The following LAPTM4B variants were observed in gnomAD, a reference collection of about 807,000 sequenced individuals.
LAPTM4B encodes the protein lysosomal-associated transmembrane protein 4B.
A neutral mutation model predicts 28.5 loss-of-function variants in LAPTM4B; 26 were observed. That is an observed-to-expected ratio of 0.91 (90% CI 0.67 to 1.27). The LOEUF is 1.27. LAPTM4B is among the 50% of genes most tolerant of loss of function. The pLI, the probability that LAPTM4B is intolerant of heterozygous loss-of-function variation, is 0.00. For missense variants in LAPTM4B, 288 were observed against 285.8 expected, an observed-to-expected ratio of 1.01 and a Z score of -0.06; for synonymous variants, 109 against 106.4, an observed-to-expected ratio of 1.02 and a Z score of -0.15.
intron 3 of LAPTM4B, 37 bp from the exon 4 acceptor site, chr8:97,816,020 AT>A: frequency 6.6e-7 from 1 of 1,505,420 alleles, no homozygotes. Context: ...GTTTTATAAT[AT>A]TGAACACATT....
chr8:97,836,899 G>A (rs1207309772), intron 6 of LAPTM4B, among the ~76,000 whole-genome samples: 5 of 151,954 alleles, frequency 3.3e-5, no homozygotes, highest in Non-Finnish European at 5.9e-5. Context: ...GAAGAAAGGT[G>A]AGTGTGGCTT....
chr8:97,843,254 C>A (rs1189079752), intron 6 of LAPTM4B, among the ~76,000 whole-genome samples: 1 of 152,046 alleles, frequency 6.6e-6, no homozygotes, highest in Admixed American at 6.6e-5. Flanking sequence ...TGGTGAAACC[C>A]CGTCTCTACT....
chr8:97,789,010 T>C (rs1816453375), intron 1 of LAPTM4B, among the ~76,000 whole-genome samples: 1 of 151,592 alleles, frequency 6.6e-6, no homozygotes, highest in South Asian at 2.1e-4. Flanking sequence ...GCCATTTTTT[T>C]GGAAAACATC....
chr8:97,845,903 C>T (rs1402434788), intron 6 of LAPTM4B, among the ~76,000 whole-genome samples: 2 of 105,332 alleles, frequency 1.9e-5, no homozygotes, highest in African/African-American at 3.4e-5. Context: ...CCTCCCCTCC[C>T]CTTCCCTTCG....
In LAPTM4B at chr8:97,776,039, C is replaced by G. The variant is rs758949119; in HGVS notation, c.30C>G (p.Phe10Leu). The change falls in exon 1 of 7, where the codon TTC becomes TTG. Residue 10 changes from phenylalanine (F) to leucine (L), a missense_variant. Coordinates refer to ENST00000521545, the MANE Select transcript of LAPTM4B (RefSeq NM_018407.6). ...AGATGGTCGCGCCCTGGACGCGGTTCTACTCCAACAGCTGCTGCTTGTGCT... is the reference window on the plus strand; with the variant it reads ...AGATGGTCGCGCCCTGGACGCGGTTGTACTCCAACAGCTGCTGCTTGTGCT... MKMVAPWTR[F>L]YSNSCCLCCH... is the part of the protein sequence containing the mutation. The G allele has an allele frequency of 6.3e-7, 1 of 1,586,438 alleles. No individual in the cohort carries two copies. Among genetic ancestry groups the G allele is most frequent in the African/African-American group, 1.4e-5 (1 of 71,440 alleles).
intron 1 of LAPTM4B, among the ~76,000 whole-genome samples, chr8:97,797,069 G>A (rs773796849): frequency 3.1e-4 from 47 of 152,174 alleles, no homozygotes; most frequent in Admixed American, 2.7e-3. Flanking sequence ...TTGAGACCAG[G>A]TCGAGTAATA....
At chr8:97,820,304 C>CTTTTTTTTTTTTTTTTTTTTTTTTTCTTT (rs71570268) in intron 5 of LAPTM4B, among the ~76,000 whole-genome samples, 1 of 128,350 alleles carries the variant, frequency 7.8e-6, no homozygotes, top group Non-Finnish European at 1.6e-5. Flanking sequence ...TTCTTTCTTT[C>CTTTTTTTTTTTTTTTTTTTTTTTTTCTTT]TTTTTTTTTT....
intron 6 of LAPTM4B, among the ~76,000 whole-genome samples, chr8:97,827,782 G>C (rs1451113093): frequency 2.0e-5 from 3 of 152,188 alleles, no homozygotes; most frequent in African/African-American, 7.2e-5. Context: ...TCAGCGAAGG[G>C]TGGTGGGATT....
At position 97,780,886 on chromosome 8, in the gene LAPTM4B, A is replaced by G. The variant is rs1290270726; in HGVS notation, c.99+4778A>G. On this transcript the variant is annotated intron_variant, in intron 1 of 6. Transcript: ENST00000521545. The stretch of plus-strand genomic sequence containing the variant: ...ATTTATTATTATTATTACTATTTTT[A>G]AAATTCTGGGCCACGCTAACTTTGG... 3.3e-5 allele frequency among the ~76,000 whole-genome samples: 5 copies of G among 152,202 alleles called. No homozygotes were observed. In the South Asian group the frequency reaches 1.0e-3, roughly 32 times the overall value.
chr8:97,809,051 A>C (rs1816792726), intron 2 of LAPTM4B, among the ~76,000 whole-genome samples: 1 of 152,234 alleles, frequency 6.6e-6, no homozygotes, highest in Non-Finnish European at 1.5e-5. Context: ...AAGGCACTGG[A>C]ATTAACATCC....
chr8:97,778,206 T>C (rs1365323650), intron 1 of LAPTM4B, among the ~76,000 whole-genome samples: 1 of 152,222 alleles, frequency 6.6e-6, no homozygotes, highest in East Asian at 1.9e-4. Context: ...ATAAAAATGT[T>C]GCTTTAGGTA....
chr8:97,851,383 C>T lies in LAPTM4B; in HGVS notation c.604-14C>T, dbSNP rs776050357. The T allele has an allele frequency of 7.1e-6, 11 of 1,548,108 alleles. No homozygotes were observed. In the African/African-American group the frequency reaches 1.1e-4, roughly 15 times the overall value. ...CTTCAAACATTAACTCTTGCCGTCC[C>T]TCTTTCTTCTCAGGTGCTGCTACCC... On this transcript the variant is annotated splice_polypyrimidine_tract_variant and intron_variant, in intron 6 of 6. Coordinates refer to ENST00000521545, the MANE Select transcript of LAPTM4B (RefSeq NM_018407.6).
intron 1 of LAPTM4B, among the ~76,000 whole-genome samples, chr8:97,780,007 C>T (rs1222120425): frequency 2.8e-5 from 4 of 143,382 alleles, no homozygotes; most frequent in South Asian, 2.2e-4. Flanking sequence ...GCCGAGATCA[C>T]GCCACTGCAC....
chr8:97,775,827 A>G lies in LAPTM4B; in HGVS notation c.-183A>G. ...AGCGGTCGCCTTCGGAGCGAAGGGT[A>G]CCGACCCGGCAGAAGCTCGGAGCTC... On this transcript the variant is annotated 5_prime_UTR_variant, in exon 1 of 7. Coordinates refer to ENST00000521545, the MANE Select transcript of LAPTM4B (RefSeq NM_018407.6). The G allele has an allele frequency of 7.1e-6, 11 of 1,553,988 alleles. No homozygotes were observed. Among genetic ancestry groups the G allele is most frequent in the Non-Finnish European group, 9.5e-6 (11 of 1,156,352 alleles).
At position 97,815,360 on chromosome 8, in the gene LAPTM4B, A is replaced by G; in HGVS notation, c.244A>G (p.Met82Val). The change falls in exon 3 of 7, where the codon ATG becomes GTG. Residue 82 changes from methionine to valine, a missense_variant. Physicochemically the swap from Met to Val is conservative, Grantham distance 21. Coordinates refer to ENST00000521545, the MANE Select transcript of LAPTM4B (RefSeq NM_018407.6). ...MCIAIAISLL[M>V]ILICAMATYG... ...CATTGCCATTGCGATTTCTCTTCTC[A>G]TGATCCTGATATGTGCTATGGCTAC... The G allele has an allele frequency of 6.2e-7, 1 of 1,614,054 alleles. No homozygotes were observed. Among genetic ancestry groups the G allele is most frequent in the Non-Finnish European group, 8.5e-7 (1 of 1,179,966 alleles).
intron 1 of LAPTM4B, among the ~76,000 whole-genome samples, chr8:97,779,288 C>T (rs1477658962): frequency 1.3e-5 from 2 of 152,110 alleles, no homozygotes; most frequent in African/African-American, 2.4e-5. Flanking sequence ...CGAGACCAGC[C>T]TGACCAACCA....
In LAPTM4B at chr8:97,811,101, T is replaced by A. The variant is rs181492029; in HGVS notation, c.212-4227T>A. On this transcript the variant is annotated intron_variant, in intron 2 of 6. Coordinates refer to ENST00000521545, the MANE Select transcript of LAPTM4B (RefSeq NM_018407.6). ...TTCAAAATGACCAACATTAACGCAG[T>A]TAACAGTACCACCTATTGGTATCGA... 5.0e-3 allele frequency among the ~76,000 whole-genome samples: 756 copies of A among 152,330 alleles called. 5 individuals are homozygous for A. Among genetic ancestry groups the A allele is most frequent in the African/African-American group, 0.017 (688 of 41,574 alleles).
intron 1 of LAPTM4B, among the ~76,000 whole-genome samples, chr8:97,800,441 G>A (rs981337231): frequency 4.1e-4 from 61 of 148,408 alleles, no homozygotes; most frequent in African/African-American, 1.4e-3. Flanking sequence ...TTGAACTCTG[G>A]CCAGATGACA....
chr8:97,777,099 A>G (rs73268573), intron 1 of LAPTM4B, among the ~76,000 whole-genome samples: 85 of 148,722 alleles, frequency 5.7e-4, no homozygotes, highest in African/African-American at 1.9e-3. Flanking sequence ...TGCCCTGAAA[A>G]TGGTAGACAA....
Sources: allele counts gnomAD v4.1 joint callset (sites outside exome capture counted in the v4.1 genomes callset), GRCh38; gene constraint gnomAD v4.1.1; transcripts MANE v1.5; gene names NCBI Gene and HGNC (gene_info 2026-07-23, HGNC 2026-07-21).